PCDHA12: variants seen among roughly 807,000 people sequenced by gnomAD.
PCDHA12 encodes protocadherin alpha 12, also known as protocadherin alpha-12.
In PCDHA12, 44 loss-of-function variants were observed where a neutral mutation model predicts 60.0. The observed-to-expected ratio is 0.73, with a 90% CI of 0.58 to 0.94. PCDHA12 has a LOEUF of 0.94. Among genes scored for constraint, PCDHA12 ranks in the 40% least tolerant of loss-of-function variants. PCDHA12 has a pLI of 0.00. For missense variants in PCDHA12, 1,276 were observed against 1,239.7 expected (o/e 1.03, Z -0.44); for synonymous variants, 569 against 553.0 (o/e 1.03, Z -0.40).
Position 141,010,072 on chromosome 5 carries a change from C to T in PCDHA12, c.*135C>T. The T allele has an allele frequency of 3.1e-6, 5 of 1,606,334 alleles. No individual in the cohort carries two copies. The highest frequency in any genetic ancestry group is 4.3e-6 in the Non-Finnish European group (5 of 1,176,104). On this transcript the variant is annotated 3_prime_UTR_variant, in exon 4 of 4. Transcript: ENST00000398631. Reference sequence around the variant, plus strand: ...ACCTCAGAAATCTGCAGAAAGTTCCCTGTGTCTGTCTAGAACGCATTTAAC... The same window carrying T: ...ACCTCAGAAATCTGCAGAAAGTTCCTTGTGTCTGTCTAGAACGCATTTAAC...
chr5:141,004,014 A>T (rs1294633411), intron 3 of PCDHA12, among the ~76,000 whole-genome samples: 40 of 152,222 alleles, frequency 2.6e-4, no homozygotes, highest in African/African-American at 9.4e-4. Context: ...GGCAGCACTG[A>T]AAGAAGAAAC....
chr5:140,981,220 C>T (rs1160783614), intron 2 of PCDHA12, among the ~76,000 whole-genome samples: 3 of 152,164 alleles, frequency 2.0e-5, no homozygotes, highest in African/African-American at 4.8e-5. Context: ...CCCCTTTAGT[C>T]AGTAGTCTAA....
At chr5:140,912,897 G>GT (rs1364534308) in intron 1 of PCDHA12, among the ~76,000 whole-genome samples, 12 of 152,290 alleles carry the variant, frequency 7.9e-5, no homozygotes, top group Admixed American at 3.3e-4. Context: ...TTGATATGAT[G>GT]TATCATATTG....
Position 140,977,158 on chromosome 5 carries a change from A to G in PCDHA12, c.2368-1791A>G, listed in dbSNP as rs6862693. Among the ~76,000 whole-genome samples, 983 of 152,340 alleles carry G rather than the reference A, an allele frequency of 6.5e-3. 6 individuals carry two copies. The highest frequency in any genetic ancestry group is 0.023 in the African/African-American group (951 of 41,586). ...CAGTCCTGCTGGAACTGTGCCTTTC[A>G]GCAAAATGAGTTTGATGATTTCATT... On this transcript the variant is annotated intron_variant, in intron 1 of 3. Transcript: ENST00000398631.
At chr5:140,887,130 T>C (rs1164233833) in intron 1 of PCDHA12, among the ~76,000 whole-genome samples, 1 of 151,716 alleles carries the variant, frequency 6.6e-6, no homozygotes, top group African/African-American at 2.4e-5. Context: ...GGAGTCTCAC[T>C]CTGTCGCCCA....
chr5:140,915,367 G>A lies in PCDHA12; in HGVS notation c.2367+37528G>A, dbSNP rs185020793. On this transcript the variant is annotated intron_variant, in intron 1 of 3. Coordinates refer to ENST00000398631, the MANE Select transcript of PCDHA12 (RefSeq NM_018903.4). Reference sequence around the variant, plus strand: ...TCTGTATGCCTATTCTTACCAGTAAGTGTCTCGGCATTGAAGAGCTAGGTA... The same window carrying A: ...TCTGTATGCCTATTCTTACCAGTAAATGTCTCGGCATTGAAGAGCTAGGTA... Among the ~76,000 whole-genome samples, 5 of 152,278 alleles carry A rather than the reference G, an allele frequency of 3.3e-5. No individual in the cohort carries two copies. In the East Asian group the frequency reaches 9.7e-4, roughly 29 times the overall value.
At chr5:141,007,804 A>G (rs966389410) in intron 3 of PCDHA12, among the ~76,000 whole-genome samples, 1 of 152,204 alleles carries the variant, frequency 6.6e-6, no homozygotes, top group Non-Finnish European at 1.5e-5. Context: ...TTTATCTGCC[A>G]TTCATTTGCC....
At chr5:140,927,072 C>A in intron 1 of PCDHA12, 2 of 1,610,790 alleles carry the variant, frequency 1.2e-6, no homozygotes, top group Non-Finnish European at 1.7e-6. Flanking sequence ...TCCTTTCCAG[C>A]CACCGCGAGC....
chr5:140,897,716 G>A (rs1554187531), intron 1 of PCDHA12, among the ~76,000 whole-genome samples: 1 of 152,144 alleles, frequency 6.6e-6, no homozygotes, highest in African/African-American at 2.4e-5. Context: ...TAATGGGATG[G>A]CTGGGTCAAA....
At chr5:140,967,524 A>G in intron 1 of PCDHA12, 1 of 1,612,564 alleles carries the variant, frequency 6.2e-7, no homozygotes, top group Non-Finnish European at 8.5e-7. Context: ...ACTAACGACA[A>G]CTCTCCTGCC....
In PCDHA12 at chr5:141,011,182, G is replaced by C. The variant is rs887034679; in HGVS notation, c.*1245G>C. The C allele has an allele frequency of 6.5e-6, 1 of 153,494 alleles. No individual in the cohort carries two copies. Among genetic ancestry groups the C allele is most frequent in the African/African-American group, 2.4e-5 (1 of 41,364 alleles). The allele number at this position is 153,494 out of a possible 1,614,324, so 9.5% of individuals were successfully genotyped here. A position where few individuals can be genotyped will look rare whatever the true frequency, so the allele number is the denominator to read the frequency against. On this transcript the variant is annotated 3_prime_UTR_variant, in exon 4 of 4. Coordinates refer to ENST00000398631, the MANE Select transcript of PCDHA12 (RefSeq NM_018903.4). The stretch of plus-strand genomic sequence containing the variant: ...TATATATCAAGACCCAAAAATTGAA[G>C]AAAAATATTGTTTTCTCATACAGTG...
At chr5:140,924,903 AAATAAAATAAAATAAAAT>A (rs2082154741) in intron 1 of PCDHA12, among the ~76,000 whole-genome samples, 1 of 54,856 alleles carries the variant, frequency 1.8e-5, no homozygotes, top group Non-Finnish European at 3.6e-5. Flanking sequence ...TCAAAAAAAA[AAATAAAATAAAATAAAAT>A]AAAATAAAAT....
chr5:140,992,470 G>T (rs1027762445), intron 3 of PCDHA12, among the ~76,000 whole-genome samples: 2 of 152,192 alleles, frequency 1.3e-5, no homozygotes, highest in African/African-American at 4.8e-5. Context: ...GTACTCTTTA[G>T]ATCACCCAGA....
At chr5:140,990,284 T>C (rs2097384646) in intron 3 of PCDHA12, among the ~76,000 whole-genome samples, 1 of 152,142 alleles carries the variant, frequency 6.6e-6, no homozygotes, top group African/African-American at 2.4e-5. Flanking sequence ...GGTCTTGAGA[T>C]TATCGATGCC....
chr5:140,898,114 G>A (rs367767804), intron 1 of PCDHA12, among the ~76,000 whole-genome samples: 18 of 151,862 alleles, frequency 1.2e-4, no homozygotes, highest in Non-Finnish European at 2.4e-4. Context: ...AGTAGGTTGC[G>A]AAAATTTTCT....
intron 1 of PCDHA12, chr5:140,968,040 G>A: frequency 1.2e-6 from 2 of 1,614,162 alleles, no homozygotes; most frequent in African/African-American, 1.3e-5. Context: ...GTGGTGAGCG[G>A]CCCACTGGAC....
At chr5:140,902,540 C>T (rs2069538388) in intron 1 of PCDHA12, among the ~76,000 whole-genome samples, 1 of 151,900 alleles carries the variant, frequency 6.6e-6, no homozygotes, top group South Asian at 2.1e-4. Context: ...GAGGTATGTT[C>T]CTTCTATACC....
At chr5:140,891,358 G>A (rs1002422244) in intron 1 of PCDHA12, among the ~76,000 whole-genome samples, 1 of 152,044 alleles carries the variant, frequency 6.6e-6, no homozygotes. Flanking sequence ...TCCATCACCT[G>A]AGCAGTATAC....
chr5:140,959,835 C>T (rs1554224346), intron 1 of PCDHA12, among the ~76,000 whole-genome samples: 2 of 152,042 alleles, frequency 1.3e-5, no homozygotes, highest in East Asian at 1.9e-4. Flanking sequence ...ATGTATTATG[C>T]CTGTAACTGC....
Sources: gnomAD v4.1 joint callset for allele counts (sites outside exome capture counted in the v4.1 genomes callset) on GRCh38, gnomAD v4.1.1 for gene constraint, MANE v1.5 for transcripts, NCBI Gene and HGNC (gene_info 2026-07-23, HGNC 2026-07-21) for gene names.